EIF2B3: variants seen among roughly 807,000 people sequenced by gnomAD.
EIF2B3 encodes the protein translation initiation factor eIF2B subunit gamma.
A neutral mutation model predicts 54.1 loss-of-function variants in EIF2B3; 20 were observed. That is an observed-to-expected ratio of 0.37 (90% CI 0.26 to 0.54). EIF2B3 has a LOEUF of 0.54. Among genes scored for constraint, EIF2B3 ranks in the 20% least tolerant of loss-of-function variants. The pLI is 0.86. For synonymous variants in EIF2B3, 153 were observed against 188.1 expected, an observed-to-expected ratio of 0.81 and a Z score of 1.52; for missense variants, 448 against 547.8, an observed-to-expected ratio of 0.82 and a Z score of 1.82.
chr1:44,962,961 C>T (rs115100881), intron 3 of EIF2B3, among the ~76,000 whole-genome samples: 226 of 152,212 alleles, frequency 1.5e-3, no homozygotes, highest in Middle Eastern at 0.01. Context: ...CAGCTGGGTG[C>T]AGTGGCTCAT....
intron 3 of EIF2B3, among the ~76,000 whole-genome samples, chr1:44,943,867 T>TG (rs1644067031): frequency 6.6e-6 from 1 of 152,172 alleles, no homozygotes; most frequent in African/African-American, 2.4e-5. Flanking sequence ...TAGTTTAGGC[T>TG]GGGCGCAGTG....
At chr1:44,954,631 C>T (rs186573291) in intron 3 of EIF2B3, among the ~76,000 whole-genome samples, 143 of 152,254 alleles carry the variant, frequency 9.4e-4, no homozygotes, top group African/African-American at 3.2e-3. Context: ...TGGGCTGGGA[C>T]GATGGGGTTT....
intron 10 of EIF2B3, among the ~76,000 whole-genome samples, chr1:44,858,929 TAA>T (rs1378651244): frequency 6.6e-6 from 1 of 152,132 alleles, no homozygotes; most frequent in Non-Finnish European, 1.5e-5. Flanking sequence ...CCATTCCACA[TAA>T]AAGACTACTC....
chr1:44,867,647 C>T (rs976339751), intron 10 of EIF2B3, among the ~76,000 whole-genome samples: 5 of 151,932 alleles, frequency 3.3e-5, no homozygotes, highest in South Asian at 2.1e-4. Context: ...CCAGGTTTGC[C>T]GTAAGTAATT....
chr1:44,860,137 CT>C (rs1654564263), intron 10 of EIF2B3, among the ~76,000 whole-genome samples: 1 of 151,510 alleles, frequency 6.6e-6, no homozygotes, highest in Admixed American at 6.6e-5. Context: ...ACCACCGCTC[CT>C]GGCCACAAAT....
chr1:44,927,839 T>C (rs1234573854), intron 4 of EIF2B3, among the ~76,000 whole-genome samples: 1 of 152,050 alleles, frequency 6.6e-6, no homozygotes, highest in Non-Finnish European at 1.5e-5. Context: ...ATATTATGTA[T>C]GCATTATATA....
intron 10 of EIF2B3, among the ~76,000 whole-genome samples, chr1:44,869,348 C>T (rs1439053995): frequency 6.6e-6 from 1 of 151,376 alleles, no homozygotes; most frequent in Non-Finnish European, 1.5e-5. Flanking sequence ...TGTGGGGGTG[C>T]GCACCTATAA....
At chr1:44,852,867 T>A (rs934858103) in intron 11 of EIF2B3, among the ~76,000 whole-genome samples, 2 of 151,892 alleles carry the variant, frequency 1.3e-5, no homozygotes, top group African/African-American at 4.8e-5. Flanking sequence ...CTAGCATAGC[T>A]ACTGCCACAT....
chr1:44,955,978 G>C (rs1644219411), intron 3 of EIF2B3, among the ~76,000 whole-genome samples: 1 of 152,126 alleles, frequency 6.6e-6, no homozygotes, highest in East Asian at 1.9e-4. Flanking sequence ...TCTAGAACCA[G>C]AAATATACCA....
At chr1:44,978,564 A>C in intron 2 of EIF2B3, 104 bp from the exon 3 acceptor site, 1 of 1,106,628 alleles carries the variant, frequency 9.0e-7, no homozygotes, top group Non-Finnish European at 1.3e-6. Flanking sequence ...TGTAATAACA[A>C]CTGCTAATAT....
intron 6 of EIF2B3, among the ~76,000 whole-genome samples, chr1:44,894,740 T>C (rs1397271924): frequency 6.6e-6 from 1 of 152,190 alleles, no homozygotes; most frequent in Non-Finnish European, 1.5e-5. Flanking sequence ...GGAGTCATCA[T>C]CTGATGACCA....
intron 3 of EIF2B3, among the ~76,000 whole-genome samples, chr1:44,961,846 C>G (rs1249320444): frequency 1.3e-5 from 2 of 152,142 alleles, no homozygotes; most frequent in Non-Finnish European, 2.9e-5. Flanking sequence ...GTCTACCTCT[C>G]TTATGAAAGC....
intron 3 of EIF2B3, among the ~76,000 whole-genome samples, chr1:44,966,411 C>T (rs1415426704): frequency 4.8e-5 from 7 of 146,270 alleles, no homozygotes; most frequent in African/African-American, 1.5e-4. Context: ...TGCACTCCAG[C>T]CTGGGCGACA....
intron 6 of EIF2B3, among the ~76,000 whole-genome samples, chr1:44,888,416 C>G (rs1163838270): frequency 6.6e-6 from 1 of 151,866 alleles, no homozygotes; most frequent in Admixed American, 6.6e-5. Flanking sequence ...AACCCAGAAA[C>G]GGGACATGCC....
At position 44,955,837 on chromosome 1, in the gene EIF2B3, C is replaced by T. The variant is rs953382697; in HGVS notation, c.295-14172G>A. The stretch of plus-strand genomic sequence containing the variant: ...TACCATCTAATTTCAGTTAGAATGG[C>T]GATCATTAAAAAGTCAGGAAACAAC... On this transcript the variant is annotated intron_variant, in intron 3 of 11. Coordinates refer to ENST00000360403, the MANE Select transcript of EIF2B3 (RefSeq NM_020365.5). Among the ~76,000 whole-genome samples, 4 of 152,068 alleles carry T rather than the reference C, an allele frequency of 2.6e-5. 1 individual carries two copies. The South Asian group carries it at 8.3e-4, about 32-fold the overall frequency.
In EIF2B3 at chr1:44,859,574, A is replaced by G. The variant is rs556928948; in HGVS notation, c.1203-1767T>C. ...TCAGCAGGCTGAGGCAGGAGAATCA[A>G]TTGAACCTGGGAGGCGGAGGTTGCA... On this transcript the variant is annotated intron_variant, in intron 10 of 11. Coordinates refer to ENST00000360403, the MANE Select transcript of EIF2B3 (RefSeq NM_020365.5). 4.0e-5 allele frequency among the ~76,000 whole-genome samples: 6 copies of G among 151,022 alleles called. No homozygotes were observed. In the East Asian group the frequency reaches 1.2e-3, roughly 30 times the overall value.
intron 4 of EIF2B3, among the ~76,000 whole-genome samples, chr1:44,940,293 T>C (rs1644005344): frequency 6.6e-6 from 1 of 152,122 alleles, no homozygotes; most frequent in Non-Finnish European, 1.5e-5. Context: ...GGTTACATAA[T>C]GCTGGCAAAG....
intron 4 of EIF2B3, 72 bp downstream of exon 4, chr1:44,941,434 T>A: frequency 6.6e-7 from 1 of 1,507,942 alleles, no homozygotes; most frequent in African/African-American, 1.4e-5. Flanking sequence ...TAAATGTTTT[T>A]TCAGGGAAAG....
chr1:44,984,847 C>T (rs12406262), intron 1 of EIF2B3, among the ~76,000 whole-genome samples: 16,430 of 121,836 alleles, frequency 0.13, 1,189 homozygotes, highest in East Asian at 0.21. Context: ...TCGCCCAGGC[C>T]GGACTGCGGA....
Sources: allele counts gnomAD v4.1 joint callset (sites outside exome capture counted in the v4.1 genomes callset), GRCh38; gene constraint gnomAD v4.1.1; transcripts MANE v1.5; gene names NCBI Gene and HGNC (gene_info 2026-07-23, HGNC 2026-07-21).